DACH2: variants seen among roughly 807,000 people sequenced by gnomAD.
DACH2 encodes dachshund homolog 2.
Under a neutral mutation model 35.8 loss-of-function variants are expected in DACH2, and 17 were observed. That is an observed-to-expected ratio of 0.48 (90% CI 0.33 to 0.71). The LOEUF is 0.71. DACH2 is among the 30% of genes least tolerant of loss of function. The probability of loss-of-function intolerance (pLI) is 0.02; values close to 1 mark genes in which losing one functional copy is unlikely to be tolerated. For missense variants in DACH2, 469 were observed against 472.7 expected (o/e 0.99, Z 0.07); for synonymous variants, 195 against 177.3 (o/e 1.10, Z -0.79).
At chrX:86,663,393 C>T (rs1166446178) in intron 4 of DACH2, among the ~76,000 whole-genome samples, 2 of 111,762 alleles carry the variant, frequency 1.8e-5, no homozygotes, top group Non-Finnish European at 3.8e-5. Context: ...TCTGCCATTG[C>T]CATCTCTTAG....
intron 1 of DACH2, among the ~76,000 whole-genome samples, chrX:86,362,240 G>A (rs1462476384): frequency 9.0e-6 from 1 of 111,187 alleles, no homozygotes; most frequent in Non-Finnish European, 1.9e-5. Context: ...GAAGATGAAT[G>A]AGGAACTTTT....
chrX:86,396,536 T>G (rs1342806977), intron 2 of DACH2, among the ~76,000 whole-genome samples: 1 of 103,429 alleles, frequency 9.7e-6, no homozygotes, highest in African/African-American at 3.6e-5. Context: ...AACATTTAAG[T>G]CTTTAATCCA....
At chrX:86,241,124 G>A (rs1220351835) in intron 1 of DACH2, among the ~76,000 whole-genome samples, 1 of 112,266 alleles carries the variant, frequency 8.9e-6, no homozygotes, top group Non-Finnish European at 1.9e-5. Context: ...TTGGAACTGG[G>A]TAATGGGCAG....
chrX:86,450,553 G>T (rs1345182624), intron 2 of DACH2, among the ~76,000 whole-genome samples: 1 of 110,893 alleles, frequency 9.0e-6, no homozygotes, highest in African/African-American at 3.3e-5. Context: ...GTATCCTTAT[G>T]ATAGAAGGAT....
chrX:86,458,370 T>C (rs374142744), intron 2 of DACH2, among the ~76,000 whole-genome samples: 5 of 111,889 alleles, frequency 4.5e-5, no homozygotes, highest in African/African-American at 1.6e-4. Flanking sequence ...ACACGCTATC[T>C]GGAAATTAAA....
chrX:86,331,713 T>A (rs1420349644), intron 1 of DACH2, among the ~76,000 whole-genome samples: 1 of 111,520 alleles, frequency 9.0e-6, no homozygotes, highest in African/African-American at 3.2e-5. Context: ...ATTTCAAAAA[T>A]TATAGATTAA....
chrX:86,327,731 T>C (rs935634045), intron 1 of DACH2, among the ~76,000 whole-genome samples: 2 of 111,994 alleles, frequency 1.8e-5, no homozygotes, highest in African/African-American at 6.5e-5. Flanking sequence ...GGAAGAAAAT[T>C]TAAGAAAATG....
intron 2 of DACH2, among the ~76,000 whole-genome samples, chrX:86,382,461 TACACACAC>T (rs55825336): frequency 0.011 from 1,028 of 94,603 alleles, 14 homozygotes; most frequent in African/African-American, 0.039. Flanking sequence ...GCTACATTCA[TACACACAC>T]ACACACACAC....
At chrX:86,680,825 T>G (rs1395496491) in intron 4 of DACH2, among the ~76,000 whole-genome samples, 1 of 108,684 alleles carries the variant, frequency 9.2e-6, no homozygotes, top group Non-Finnish European at 1.9e-5. Flanking sequence ...TTAATTGATT[T>G]TTATTTTTTG....
intron 3 of DACH2, among the ~76,000 whole-genome samples, chrX:86,601,682 TTA>T (rs1312638554): frequency 8.9e-6 from 1 of 112,385 alleles, no homozygotes; most frequent in Non-Finnish European, 1.9e-5. Context: ...TATTAATATT[TTA>T]TGTTTGTTTA....
At chrX:86,771,745 C>A (rs1023583890) in intron 7 of DACH2, among the ~76,000 whole-genome samples, 1 of 111,345 alleles carries the variant, frequency 9.0e-6, no homozygotes, top group Non-Finnish European at 1.9e-5. Context: ...AAGCGTGTAC[C>A]CTGCTAGAAT....
At chrX:86,795,570 C>A (rs1307622882) in intron 7 of DACH2, among the ~76,000 whole-genome samples, 1 of 112,429 alleles carries the variant, frequency 8.9e-6, no homozygotes, top group African/African-American at 3.2e-5. Flanking sequence ...AACATGAAGG[C>A]AGATTCAGAA....
In DACH2 at chrX:86,811,574, C is replaced by A. The variant is rs183459639; in HGVS notation, c.1241-1282C>A. The stretch of plus-strand genomic sequence containing the variant: ...AGAGATGCATACTTTTTAAACTTTG[C>A]CTGTGCTCTCTTGCTGAAATTAAGA... On this transcript the variant is annotated intron_variant, in intron 7 of 11. Coordinates refer to ENST00000373125, the MANE Select transcript of DACH2 (RefSeq NM_053281.3). 9.0e-5 allele frequency among the ~76,000 whole-genome samples: 10 copies of A among 111,460 alleles called. No individual in the cohort carries two copies. The East Asian group carries it at 2.5e-3, about 28-fold the overall frequency.
At chrX:86,664,948 T>C (rs1483775342) in intron 4 of DACH2, among the ~76,000 whole-genome samples, 3 of 111,853 alleles carry the variant, frequency 2.7e-5, no homozygotes, top group Non-Finnish European at 5.6e-5. Flanking sequence ...GTTATTTTAG[T>C]GTTAGAGTAA....
chrX:86,585,004 G>A (rs966171212), intron 3 of DACH2, among the ~76,000 whole-genome samples: 23 of 111,499 alleles, frequency 2.1e-4, no homozygotes, highest in African/African-American at 6.8e-4. Context: ...TGGCTGTGCA[G>A]TATTCCATGG....
intron 3 of DACH2, among the ~76,000 whole-genome samples, chrX:86,632,241 G>A (rs1304578781): frequency 9.0e-6 from 1 of 111,085 alleles, no homozygotes; most frequent in Non-Finnish European, 1.9e-5. Context: ...CCTCCATTTG[G>A]CATGGAACGC....
At chrX:86,785,516 T>G (rs1009360915) in intron 7 of DACH2, among the ~76,000 whole-genome samples, 5 of 111,495 alleles carry the variant, frequency 4.5e-5, no homozygotes, top group African/African-American at 1.6e-4. Flanking sequence ...CTTAGAAATA[T>G]GAATAACTGG....
chrX:86,743,602 T>A (rs1422282748), intron 7 of DACH2, among the ~76,000 whole-genome samples: 1 of 111,408 alleles, frequency 9.0e-6, no homozygotes, highest in East Asian at 2.8e-4. Flanking sequence ...TATTTTCTAT[T>A]TTCTGTAAAC....
At chrX:86,421,228 C>T (rs188974127) in intron 2 of DACH2, among the ~76,000 whole-genome samples, 1 of 111,854 alleles carries the variant, frequency 8.9e-6, no homozygotes, top group Non-Finnish European at 1.9e-5. Context: ...TTCATTTATG[C>T]ATCCAGCAAG....
Sources: allele counts gnomAD v4.1 joint callset (sites outside exome capture counted in the v4.1 genomes callset), GRCh38; gene constraint gnomAD v4.1.1; transcripts MANE v1.5; gene names NCBI Gene and HGNC (gene_info 2026-07-23, HGNC 2026-07-21).